Variants in JARID2 observed in about 807,000 individuals in gnomAD.
JARID2 encodes jumonji and AT-rich interaction domain containing 2.
Under a neutral mutation model 125.6 loss-of-function variants are expected in JARID2, and 21 were observed. That is an observed-to-expected ratio of 0.17 (90% confidence interval 0.12 to 0.24). The LOEUF is 0.24. Ranked by LOEUF, JARID2 falls within the 10% of genes least tolerant of loss-of-function variation. The pLI is 1.00. For missense variants in JARID2, 1,303 were observed against 1,639.6 expected (o/e 0.79, Z 3.55); for synonymous variants, 736 against 661.6 (o/e 1.11, Z -1.73).
chr6:15,436,493 C>T (rs538509015), intron 3 of JARID2, among the ~76,000 whole-genome samples: 1 of 152,110 alleles, frequency 6.6e-6, no homozygotes, highest in African/African-American at 2.4e-5. Flanking sequence ...TATAGGTTTT[C>T]ATAGGCCCAG....
At chr6:15,454,979 G>T (rs1186636696) in intron 4 of JARID2, among the ~76,000 whole-genome samples, 1 of 152,116 alleles carries the variant, frequency 6.6e-6, no homozygotes, top group African/African-American at 2.4e-5. Context: ...AGTGGGATGT[G>T]TACTCAGAAG....
chr6:15,294,467 A>T (rs1482526055), intron 1 of JARID2, among the ~76,000 whole-genome samples: 1 of 152,200 alleles, frequency 6.6e-6, no homozygotes, highest in East Asian at 1.9e-4. Context: ...GCTGGGATTC[A>T]GGCATGAGCC....
chr6:15,477,538 A>G (rs1380965259), intron 5 of JARID2, among the ~76,000 whole-genome samples: 2 of 142,762 alleles, frequency 1.4e-5, no homozygotes, highest in Non-Finnish European at 3.0e-5. Context: ...GAGCTGTAAT[A>G]CATGTAGAGA....
chr6:15,372,105 A>G (rs998659236), intron 1 of JARID2, among the ~76,000 whole-genome samples: 2 of 152,236 alleles, frequency 1.3e-5, no homozygotes, highest in African/African-American at 4.8e-5. Flanking sequence ...TTGGATTTCT[A>G]AAATGAAGTT....
At chr6:15,415,571 C>G (rs565696360) in intron 3 of JARID2, among the ~76,000 whole-genome samples, 2 of 146,652 alleles carry the variant, frequency 1.4e-5, no homozygotes, top group African/African-American at 5.2e-5. Context: ...ACCTCCCGGA[C>G]GGGGCTGCTG....
At chr6:15,264,511 C>T (rs1294320916) in intron 1 of JARID2, among the ~76,000 whole-genome samples, 2 of 152,104 alleles carry the variant, frequency 1.3e-5, no homozygotes, top group Non-Finnish European at 2.9e-5. Context: ...GGCTTACTAA[C>T]AGGAGCCCTG....
chr6:15,410,484 A>G (rs1029749205), intron 3 of JARID2, 119 bp downstream of exon 3: 12 of 933,078 alleles, frequency 1.3e-5, no homozygotes, highest in Non-Finnish European at 2.0e-5. Context: ...TTCATAGAGG[A>G]GCCAGAATCA....
chr6:15,412,562 G>A lies in JARID2; in HGVS notation c.323+2197G>A, dbSNP rs117204724. Among the ~76,000 whole-genome samples the A allele has an allele frequency of 2.7e-3, 410 of 152,244 alleles. 12 individuals carry two copies. In the East Asian group the frequency reaches 0.067, roughly 25 times the overall value. The stretch of plus-strand genomic sequence containing the variant: ...AGCCTCAAGTGACCCACCCACCTCC[G>A]AAAGTGCTGGGGTTATAGGCGTGAG... On this transcript the variant is annotated intron_variant, in intron 3 of 17. Coordinates refer to ENST00000341776, the MANE Select transcript of JARID2 (RefSeq NM_004973.4).
chr6:15,376,031 C>CTGGTTG (rs1764340246), intron 2 of JARID2, among the ~76,000 whole-genome samples: 2 of 152,224 alleles, frequency 1.3e-5, no homozygotes, highest in Non-Finnish European at 2.9e-5. Flanking sequence ...CCAGTGCTGT[C>CTGGTTG]AGCCAGTTGG....
chr6:15,336,201 C>T (rs971330119), intron 1 of JARID2, among the ~76,000 whole-genome samples: 30 of 152,182 alleles, frequency 2.0e-4, no homozygotes, highest in African/African-American at 6.0e-4. Flanking sequence ...CAGTGGCTGC[C>T]TTTTCCTGAA....
chr6:15,355,897 C>T (rs1232879548), intron 1 of JARID2, among the ~76,000 whole-genome samples: 1 of 152,232 alleles, frequency 6.6e-6, no homozygotes, highest in Non-Finnish European at 1.5e-5. Flanking sequence ...AGGCGTGAGC[C>T]AGTGTGCCCG....
At chr6:15,372,399 C>T (rs1764204185) in intron 1 of JARID2, among the ~76,000 whole-genome samples, 1 of 152,124 alleles carries the variant, frequency 6.6e-6, no homozygotes, top group African/African-American at 2.4e-5. Flanking sequence ...TGCTCTGTCT[C>T]CCAGGTGGGA....
At chr6:15,445,766 C>A (rs746686300) in intron 3 of JARID2, among the ~76,000 whole-genome samples, 1 of 152,102 alleles carries the variant, frequency 6.6e-6, no homozygotes, top group African/African-American at 2.4e-5. Flanking sequence ...GACTGTCAGC[C>A]GGAGGCAGAC....
intron 2 of JARID2, among the ~76,000 whole-genome samples, chr6:15,386,862 T>G (rs946548762): frequency 6.6e-5 from 10 of 152,366 alleles, no homozygotes; most frequent in Admixed American, 4.6e-4. Context: ...ATTGGAAAGA[T>G]GATGACATTC....
chr6:15,294,273 G>C (rs889037843), intron 1 of JARID2, among the ~76,000 whole-genome samples: 6 of 152,076 alleles, frequency 3.9e-5, no homozygotes, highest in Non-Finnish European at 1.5e-5. Context: ...GCTCACTGCA[G>C]CCTCCACCTC....
At chr6:15,469,583 C>G (rs528681522) in intron 5 of JARID2, among the ~76,000 whole-genome samples, 1 of 150,650 alleles carries the variant, frequency 6.6e-6, no homozygotes, top group East Asian at 2.0e-4. Flanking sequence ...CAGGCCCCCA[C>G]GTATTACAGA....
rs776321013 is a variant in JARID2 at position 15,487,432 on chromosome 6, T to C, written c.796T>C (p.Ser266Pro). Residue 266 changes from serine (S) to proline (P), a missense_variant, in exon 6 of 18, where the codon TCA (serine) becomes CCA (proline). Physicochemically the swap from Ser to Pro is moderately conservative, Grantham distance 74 (BLOSUM62 -1). Transcript: ENST00000341776. ...HRADSRREQASANHPAAAPST... is the reference protein window; with the variant it reads ...HRADSRREQAPANHPAAAPST... Reference sequence around the variant, plus strand: ...GGCTGACAGCCGCCGGGAGCAGGCTTCAGCTAACCACCCCGCAGCGGCCCC... The same window carrying C: ...GGCTGACAGCCGCCGGGAGCAGGCTCCAGCTAACCACCCCGCAGCGGCCCC... The C allele has an allele frequency of 1.9e-6, 3 of 1,614,114 alleles. No individual in the cohort carries two copies. The highest frequency in any genetic ancestry group is 2.5e-6 in the Non-Finnish European group (3 of 1,180,050).
rs534333795 is a variant in JARID2 at position 15,396,788 on chromosome 6, G to A, written c.182-13436G>A. ...CTGAAACCTTGGAAATCTAAAATCC[G>A]GATAAGGAGGGCTACAGTGTTGTCT... is the stretch of plus-strand genomic sequence containing the variant. On this transcript the variant is annotated intron_variant, in intron 2 of 17. Transcript: ENST00000341776. Among the ~76,000 whole-genome samples the A allele has an allele frequency of 1.8e-4, 27 of 152,246 alleles. No individual in the cohort carries two copies. In the East Asian group the frequency reaches 3.5e-3, roughly 20 times the overall value.
At chr6:15,508,994 A>T in intron 12 of JARID2, 1 of 1,289,336 alleles carries the variant, frequency 7.8e-7, no homozygotes, top group Non-Finnish European at 1.0e-6. Flanking sequence ...TTCCTCATCT[A>T]TCGGTGGCTG....
Sources: allele counts gnomAD v4.1 joint callset (sites outside exome capture counted in the v4.1 genomes callset), GRCh38; gene constraint gnomAD v4.1.1; transcripts MANE v1.5; gene names NCBI Gene and HGNC (gene_info 2026-07-23, HGNC 2026-07-21).